The following ADGRL1 variants were observed in gnomAD, a reference collection of about 807,000 sequenced individuals.
The protein encoded by ADGRL1 is CIRL-1.
A neutral mutation model predicts 148.9 loss-of-function variants in ADGRL1; 31 were observed. The ratio of observed to expected loss-of-function variants is 0.21; its 90% confidence interval spans 0.16 to 0.28. The LOEUF (loss-of-function observed/expected upper bound fraction) is 0.28, where lower values mean the gene tolerates loss of function less well. Ranked by LOEUF, ADGRL1 falls within the 10% of genes least tolerant of loss-of-function variation. The pLI is 1.00. For synonymous variants in ADGRL1, 937 were observed against 900.3 expected (o/e 1.04, Z -0.73); for missense variants, 1,521 against 2,058.8 (o/e 0.74, Z 5.05).
chr19:14,170,895 G>C (rs1359281103), intron 3 of ADGRL1, 104 bp from the exon 4 acceptor site: 3 of 652,522 alleles, frequency 4.6e-6, no homozygotes, highest in Non-Finnish European at 5.6e-6. Context: ...CCCCAAATTG[G>C]GAAGGGGCAG....
chr19:14,173,943 CAAAAA>C (rs774211423), intron 3 of ADGRL1, among the ~76,000 whole-genome samples: 1 of 32,968 alleles, frequency 3.0e-5, no homozygotes, highest in African/African-American at 1.2e-4. Flanking sequence ...GACTCCGTCT[CAAAAA>C]AAAAAAAAAA....
At chr19:14,201,309 T>TG (rs1312440273) in intron 1 of ADGRL1, among the ~76,000 whole-genome samples, 14 of 142,016 alleles carry the variant, frequency 9.9e-5, no homozygotes, top group Non-Finnish European at 1.5e-4. Context: ...TTTGTTTTTT[T>TG]TTTTTGGCGG....
intron 2 of ADGRL1, among the ~76,000 whole-genome samples, chr19:14,178,735 A>G (rs956094084): frequency 5.3e-5 from 8 of 152,080 alleles, no homozygotes; most frequent in African/African-American, 1.9e-4. Flanking sequence ...TGCCCAAGCT[A>G]GTCTGGTCTC....
In ADGRL1 at chr19:14,161,273, G is replaced by T; in HGVS notation, c.1510+39C>A. The stretch of plus-strand genomic sequence containing the variant: ...ATCTGTGCTAAGCTGCTGGGGGCAT[G>T]GCCCCCATCCCTCCCCTGGCTGCAG... On this transcript the variant is annotated intron_variant, in intron 6 of 22. Coordinates refer to ENST00000361434, the MANE Select transcript of ADGRL1 (RefSeq NM_014921.5). The surrounding 1 kb of genome is among the most constrained non-coding windows in gnomAD (Gnocchi z 4.4). 1.3e-6 allele frequency: 2 copies of T among 1,492,842 alleles called. No homozygotes were observed. The highest frequency in any genetic ancestry group is 8.9e-7 in the Non-Finnish European group (1 of 1,122,130). 92.5% of individuals were successfully genotyped at this position (1,492,842 alleles called of 1,614,324 possible).
rs112427538 is a variant in ADGRL1 at position 14,179,672 on chromosome 19, C to T, written c.71-1928G>A. 5.1e-3 allele frequency among the ~76,000 whole-genome samples: 769 copies of T among 151,766 alleles called. 3 individuals are homozygous for T. The highest frequency in any genetic ancestry group is 7.0e-3 in the Non-Finnish European group (476 of 67,864). On this transcript the variant is annotated intron_variant, in intron 2 of 22. Transcript: ENST00000361434. ...CTGTAATCCCAGGACTTTGGGAGGT[C>T]GAGGTGGGCGAATCACCTGAGGTCA...
intron 1 of ADGRL1, among the ~76,000 whole-genome samples, chr19:14,190,411 T>C (rs1971855013): frequency 6.6e-6 from 1 of 152,178 alleles, no homozygotes; most frequent in Admixed American, 6.5e-5. Flanking sequence ...GAATTACAGG[T>C]GTGTGCCACC....
Position 14,152,215 on chromosome 19 carries a change from C to T in ADGRL1, c.3650-65G>A. On this transcript the variant is annotated intron_variant, in intron 21 of 22. Coordinates refer to ENST00000361434, the MANE Select transcript of ADGRL1 (RefSeq NM_014921.5). The surrounding 1 kb of genome is among the most constrained non-coding windows in gnomAD (Gnocchi z 6.1). ...GATGAGCTCGAAATGCAAGTCCAGG[C>T]TCCAGTTCTGGGGCACAGAACATCC... 1 of 1,614,096 alleles carries T rather than the reference C, an allele frequency of 6.2e-7. No individual in the cohort carries two copies. The highest frequency in any genetic ancestry group is 1.7e-5 in the Admixed American group (1 of 60,016).
At chr19:14,153,001 T>G in intron 18 of ADGRL1, 89 bp from the exon 19 acceptor site, 1 of 1,507,956 alleles carries the variant, frequency 6.6e-7, no homozygotes, top group Admixed American at 1.8e-5. Context: ...ACAGGCAGCC[T>G]TGGGAGGCCG....
At position 14,161,576 on chromosome 19, in the gene ADGRL1, G is replaced by A; in HGVS notation, c.1246C>T (p.Pro416Ser). Residue 416 changes from proline to serine, a missense_variant, in exon 6 of 23, where the codon CCC (proline) becomes TCC (serine). Pro to Ser is a moderately conservative substitution (Grantham distance 74). Transcript: ENST00000361434. This position sits in a 1 kb window ranked among gnomAD's most constrained non-coding sequence, Gnocchi z 4.4. ...GCGGGCGAGGCTGTGCTGGTGAGGG[G>A]CGTGGGCCTGGCTGTGGTGGTCGTG... ...LSTTTTARPTPLTSTASPAAT... is the reference protein window; with the variant it reads ...LSTTTTARPTSLTSTASPAAT... 2 of 1,449,092 alleles carry A rather than the reference G, an allele frequency of 1.4e-6. No homozygotes were observed. Among genetic ancestry groups the A allele is most frequent in the South Asian group, 1.5e-5 (1 of 67,020 alleles). The allele number at this position is 1,449,092 out of a possible 1,614,324, so 89.8% of individuals were successfully genotyped here. A position where few individuals can be genotyped will look rare whatever the true frequency, so the allele number is the denominator to read the frequency against.
In ADGRL1 at chr19:14,148,273, G is replaced by A. The variant is rs1967795572; in HGVS notation, c.*2600C>T. 6.5e-6 allele frequency: 1 copy of A among 152,674 alleles called. No homozygotes were observed. Among genetic ancestry groups the A allele is most frequent in the African/African-American group, 2.4e-5 (1 of 41,446 alleles). 9.5% of individuals were successfully genotyped at this position (152,674 alleles called of 1,614,324 possible). ...GCAGTGATGTCCAGCCCCAGCAGGG[G>A]GCCCTGCCACACAGCTCTGAGGCCT... On this transcript the variant is annotated 3_prime_UTR_variant, in exon 23 of 23. Transcript: ENST00000361434.
At position 14,157,615 on chromosome 19, in the gene ADGRL1, A is replaced by T. The variant is rs561982903; in HGVS notation, c.2536-155T>A. On this transcript the variant is annotated intron_variant, in intron 13 of 22. Transcript: ENST00000361434. The surrounding 1 kb of genome is among the most constrained non-coding windows in gnomAD (Gnocchi z 7.5). ...CAGCCCTCACCCCTCTGCACGCAGCAATGCGCTCACTTCCTCATGCTCTGG... is the reference window on the plus strand; with the variant it reads ...CAGCCCTCACCCCTCTGCACGCAGCTATGCGCTCACTTCCTCATGCTCTGG... 6.6e-6 allele frequency among the ~76,000 whole-genome samples: 1 copy of T among 152,244 alleles called. No homozygotes were observed.
chr19:14,199,441 G>A (rs1462384975), intron 1 of ADGRL1, among the ~76,000 whole-genome samples: 4 of 151,194 alleles, frequency 2.6e-5, no homozygotes, highest in Non-Finnish European at 5.9e-5. Flanking sequence ...TTTTTTAATC[G>A]TATTTTTAGA....
At position 14,159,653 on chromosome 19, in the gene ADGRL1, A is replaced by T; in HGVS notation, c.1840-69T>A. 1 of 1,595,046 alleles carries T rather than the reference A, an allele frequency of 6.3e-7. No individual in the cohort carries two copies. Among genetic ancestry groups the T allele is most frequent in the South Asian group, 1.1e-5 (1 of 90,588 alleles). On this transcript the variant is annotated intron_variant, in intron 9 of 22. Coordinates refer to ENST00000361434, the MANE Select transcript of ADGRL1 (RefSeq NM_014921.5). The surrounding 1 kb of genome is among the most constrained non-coding windows in gnomAD (Gnocchi z 6.0). ...TCTAATTCCTGGGGGTGGGCTCTGC[A>T]TGCCCTCTTCTCAACCTCCACCCCT... is the stretch of plus-strand genomic sequence containing the variant.
intron 1 of ADGRL1, among the ~76,000 whole-genome samples, chr19:14,184,928 A>C (rs1474148057): frequency 6.6e-6 from 1 of 151,858 alleles, no homozygotes; most frequent in African/African-American, 2.4e-5. Context: ...CGTGAGCCAC[A>C]GCGCCCAGCA....
In ADGRL1 at chr19:14,156,984, C is replaced by A. The variant is rs199828718; in HGVS notation, c.2907G>T (p.Pro969=). ...CAGCCGCGATGCCCACCACCAGGGC[C>A]GGGAAGCAGTAGCCACCCAGGTAGT... ...KYYYLGGYCF[P]ALVVGIAAAI... The change falls in exon 15 of 23, where the codon CCG becomes CCT. Residue 969 remains proline, a synonymous_variant. Coordinates refer to ENST00000361434, the MANE Select transcript of ADGRL1 (RefSeq NM_014921.5). 1.2e-6 allele frequency: 2 copies of A among 1,613,650 alleles called. No homozygotes were observed. The highest frequency in any genetic ancestry group is 3.3e-5 in the Admixed American group (2 of 59,986).
At position 14,161,742 on chromosome 19, in the gene ADGRL1, C is replaced by T. The variant is rs774091954; in HGVS notation, c.1196-116G>A. Reference sequence around the variant, plus strand: ...TTCCTCATCTACTGAAGTGGAAACACGTGCCGGGCCCCACTGGGTCTATGA... The same window carrying T: ...TTCCTCATCTACTGAAGTGGAAACATGTGCCGGGCCCCACTGGGTCTATGA... On this transcript the variant is annotated intron_variant, in intron 5 of 22. Transcript: ENST00000361434. This position sits in a 1 kb window ranked among gnomAD's most constrained non-coding sequence, Gnocchi z 4.4. 3.6e-5 allele frequency: 26 copies of T among 723,446 alleles called. No homozygotes were observed. The highest frequency in any genetic ancestry group is 5.0e-5 in the Non-Finnish European group (25 of 504,554). 44.8% of individuals were successfully genotyped at this position (723,446 alleles called of 1,614,324 possible).
At chr19:14,182,291 G>A (rs1278419837) in intron 2 of ADGRL1, among the ~76,000 whole-genome samples, 1 of 152,256 alleles carries the variant, frequency 6.6e-6, no homozygotes, top group Non-Finnish European at 1.5e-5. Context: ...AACAGAGGGT[G>A]CCTGGCAGGG....
intron 3 of ADGRL1, among the ~76,000 whole-genome samples, chr19:14,172,621 T>C (rs1031577928): frequency 6.6e-6 from 1 of 151,856 alleles, no homozygotes; most frequent in African/African-American, 2.4e-5. Context: ...GCACCGGTAA[T>C]CCCAGCTACT....
At chr19:14,166,985 T>C in intron 4 of ADGRL1, 7 of 1,608,884 alleles carry the variant, frequency 4.4e-6, no homozygotes, top group Non-Finnish European at 5.1e-6. Flanking sequence ...AAGTGTGAGT[T>C]AGGGGTTAGC....
Sources: gnomAD v4.1 joint callset for allele counts (sites outside exome capture counted in the v4.1 genomes callset) on GRCh38, gnomAD v4.1.1 for gene constraint, Gnocchi (gnomAD v3.1) non-coding constraint, MANE v1.5 for transcripts, NCBI Gene and HGNC (gene_info 2026-07-23, HGNC 2026-07-21) for gene names.